The following DNAJC10 variants were observed in gnomAD, a reference collection of about 807,000 sequenced individuals.
DNAJC10 encodes DnaJ heat shock protein family (Hsp40) member C10.
Under a neutral mutation model 115.0 loss-of-function variants are expected in DNAJC10, and 101 were observed. The ratio of observed to expected loss-of-function variants is 0.88; its 90% CI spans 0.75 to 1.04. The LOEUF (loss-of-function observed/expected upper bound fraction) is 1.04, where lower values mean the gene tolerates loss of function less well. Among genes scored for constraint, DNAJC10 ranks in the 50% least tolerant of loss-of-function variants. The pLI is 0.00. For synonymous variants in DNAJC10, 307 were observed against 301.5 expected, an observed-to-expected ratio of 1.02 and a Z score of -0.19; for missense variants, 981 against 928.8, an observed-to-expected ratio of 1.06 and a Z score of -0.73.
At position 182,793,842 on chromosome 2, in the gene DNAJC10, A is replaced by ACACACG. The variant is rs1553498401; in HGVS notation, c.*16715_*16716insGCACAC. 7 of 151,254 alleles carry ACACACG rather than the reference A, an allele frequency of 4.6e-5. No individual in the cohort carries two copies. In the Middle Eastern group the frequency reaches 0.014, roughly 292 times the overall value. The allele number at this position is 151,254 out of a possible 1,614,324, so 9.4% of individuals were successfully genotyped here. A position where few individuals can be genotyped will look rare whatever the true frequency, so the allele number is the denominator to read the frequency against. ...ACATCACACACACACACACACACAC[A>ACACACG]CACACACACACACACACACACACTA... On this transcript the variant is annotated 3_prime_UTR_variant, in exon 24 of 24. Coordinates refer to ENST00000264065, the MANE Select transcript of DNAJC10 (RefSeq NM_018981.4).
Position 182,741,252 on chromosome 2 carries a change from G to A in DNAJC10, c.1087G>A (p.Ala363Thr), listed in dbSNP as rs761578466. The A allele has an allele frequency of 6.3e-7, 1 of 1,598,990 alleles. No homozygotes were observed. The highest frequency in any genetic ancestry group is 1.4e-5 in the African/African-American group (1 of 73,886). Reference sequence around the variant, plus strand: ...CTTTATCACTTTTAAGGATCGTTTGGCTCATCATCGGTGGCTGTTATTTTT... The same window carrying A: ...CTTTATCACTTTTAAGGATCGTTTGACTCATCATCGGTGGCTGTTATTTTT... ...LSANTLEDRLAHHRWLLFFHF... is the reference protein window; with the variant it reads ...LSANTLEDRLTHHRWLLFFHF... Residue 363 changes from alanine to threonine, a missense_variant, in exon 13 of 24, where the codon GCT becomes ACT. Physicochemically the swap from Ala to Thr is moderately conservative, Grantham distance 58. Transcript: ENST00000264065.
intron 18 of DNAJC10, 143 bp from the exon 19 acceptor site, chr2:182,757,549 T>C (rs1694188080): frequency 1.9e-6 from 1 of 536,700 alleles, no homozygotes; most frequent in African/African-American, 2.0e-5. Flanking sequence ...GTCTATTATA[T>C]GTTAAACCCT....
chr2:182,770,896 G>A (rs1694543831), intron 22 of DNAJC10, among the ~76,000 whole-genome samples: 1 of 152,186 alleles, frequency 6.6e-6, no homozygotes. Context: ...GGTTTTCAAA[G>A]GGAATGCTTC....
chr2:182,719,370 C>A (rs13010773), intron 3 of DNAJC10, among the ~76,000 whole-genome samples: 3 of 150,240 alleles, frequency 2.0e-5, no homozygotes, highest in Admixed American at 6.7e-5. Context: ...TCCCCTGCCT[C>A]ACCCTCCTGA....
intron 14 of DNAJC10, among the ~76,000 whole-genome samples, chr2:182,748,019 T>G (rs1220293080): frequency 5.4e-5 from 8 of 147,896 alleles, no homozygotes; most frequent in African/African-American, 2.0e-4. Flanking sequence ...TCTGTTTATA[T>G]GCTGGATTAC....
Position 182,718,025 on chromosome 2 carries a change from T to C in DNAJC10, c.-62T>C. On this transcript the variant is annotated 5_prime_UTR_variant, in exon 3 of 24. Coordinates refer to ENST00000264065, the MANE Select transcript of DNAJC10 (RefSeq NM_018981.4). ...GAAGTTCTCAAATTTGCATATTACA[T>C]CAACTGGAACCAGCAGTGAATCTTA... The C allele has an allele frequency of 7.7e-7, 1 of 1,302,730 alleles. No individual in the cohort carries two copies. The highest frequency in any genetic ancestry group is 1.1e-6 in the Non-Finnish European group (1 of 941,002). 80.7% of individuals were successfully genotyped at this position (1,302,730 alleles called of 1,614,324 possible).
chr2:182,751,527 C>CT, intron 14 of DNAJC10, 131 bp from the exon 15 acceptor site: 1 of 1,085,944 alleles, frequency 9.2e-7, no homozygotes, highest in Non-Finnish European at 1.3e-6. Context: ...ATACAGCACA[C>CT]TAAAACCTCA....
intron 14 of DNAJC10, among the ~76,000 whole-genome samples, chr2:182,746,052 AC>A (rs1350961997): frequency 1.3e-5 from 2 of 152,120 alleles, no homozygotes; most frequent in Non-Finnish European, 2.9e-5. Flanking sequence ...CCATGTCCCT[AC>A]AAAGGACATG....
At chr2:182,767,163 G>A (rs571089279) in intron 22 of DNAJC10, among the ~76,000 whole-genome samples, 2 of 152,226 alleles carry the variant, frequency 1.3e-5, no homozygotes, top group East Asian at 3.9e-4. Flanking sequence ...TGGAGATAAT[G>A]GGCGATCTGG....
intron 4 of DNAJC10, among the ~76,000 whole-genome samples, chr2:182,721,616 A>G (rs1693151469): frequency 6.6e-6 from 1 of 152,112 alleles, no homozygotes; most frequent in African/African-American, 2.4e-5. Flanking sequence ...ACCACTCTCA[A>G]TTTCCTGGTT....
intron 15 of DNAJC10, 121 bp downstream of exon 15, chr2:182,751,906 A>G: frequency 7.6e-7 from 1 of 1,310,378 alleles, no homozygotes; most frequent in East Asian, 2.3e-5. Flanking sequence ...CATTATGGCC[A>G]CTAATGCATA....
chr2:182,728,497 C>T (rs1184211651), intron 5 of DNAJC10, 79 bp from the exon 6 acceptor site: 17 of 980,158 alleles, frequency 1.7e-5, no homozygotes, highest in Non-Finnish European at 2.3e-5. Context: ...ATTCTGATCT[C>T]CACAAAAAGT....
rs1368272830 is a variant in DNAJC10, at chr2:182,783,064, T to C, written c.*5932T>C. The C allele has an allele frequency of 6.6e-6, 1 of 152,192 alleles. No individual in the cohort carries two copies. Among genetic ancestry groups the C allele is most frequent in the Non-Finnish European group, 1.5e-5 (1 of 68,034 alleles). The allele number at this position is 152,192 out of a possible 1,614,324, so 9.4% of individuals were successfully genotyped here. A position where few individuals can be genotyped will look rare whatever the true frequency, so the allele number is the denominator to read the frequency against. Reference sequence around the variant, plus strand: ...GTTTTGTCATAAATAGCTCTTATTATTTTGAGATATGTTCCATCATATCTA... The same window carrying C: ...GTTTTGTCATAAATAGCTCTTATTACTTTGAGATATGTTCCATCATATCTA... On this transcript the variant is annotated 3_prime_UTR_variant, in exon 24 of 24. Coordinates refer to ENST00000264065, the MANE Select transcript of DNAJC10 (RefSeq NM_018981.4).
chr2:182,739,555 G>T, intron 11 of DNAJC10: 1 of 1,220,478 alleles, frequency 8.2e-7, no homozygotes, highest in Non-Finnish European at 1.1e-6. Flanking sequence ...CTGCTTCATT[G>T]AGAGAATCAG....
intron 11 of DNAJC10, chr2:182,739,619 C>T: frequency 8.8e-7 from 1 of 1,138,288 alleles, no homozygotes; most frequent in Non-Finnish European, 1.1e-6. Flanking sequence ...AAAATATTGA[C>T]AAATAAAGAA....
In DNAJC10 at chr2:182,786,965, A is replaced by G. The variant is rs974739193; in HGVS notation, c.*9833A>G. 1.3e-5 allele frequency: 2 copies of G among 152,218 alleles called. No individual in the cohort carries two copies. Among genetic ancestry groups the G allele is most frequent in the African/African-American group, 2.4e-5 (1 of 41,436 alleles). The allele number at this position is 152,218 out of a possible 1,614,324, so 9.4% of individuals were successfully genotyped here. ...CAGTATCTTGCTCGTCCCTTCTGCC[A>G]TGGGAGAACACGGTGAGAGCGAGCC... On this transcript the variant is annotated 3_prime_UTR_variant, in exon 24 of 24. Coordinates refer to ENST00000264065, the MANE Select transcript of DNAJC10 (RefSeq NM_018981.4).
rs887851459 is a variant in DNAJC10, at chr2:182,784,528, G to A, written c.*7396G>A. On this transcript the variant is annotated 3_prime_UTR_variant, in exon 24 of 24. Transcript: ENST00000264065. ...TATTTCAATTGACAAACAGCCAGAA[G>A]TATTATACTGTTGACTGTGTTTAAA... 6.6e-6 allele frequency: 1 copy of A among 152,094 alleles called. No individual in the cohort carries two copies. Among genetic ancestry groups the A allele is most frequent in the African/African-American group, 2.4e-5 (1 of 41,414 alleles). 9.4% of individuals were successfully genotyped at this position (152,094 alleles called of 1,614,324 possible). A position where few individuals can be genotyped will look rare whatever the true frequency, so the allele number is the denominator to read the frequency against.
intron 22 of DNAJC10, among the ~76,000 whole-genome samples, chr2:182,771,056 G>A (rs1325316427): frequency 3.3e-5 from 5 of 152,140 alleles, no homozygotes; most frequent in Non-Finnish European, 7.3e-5. Flanking sequence ...TGCATCTATT[G>A]AGATAATCAT....
At chr2:182,752,591 G>A in intron 16 of DNAJC10, 1 of 941,160 alleles carries the variant, frequency 1.1e-6, no homozygotes, top group Non-Finnish European at 1.3e-6. Context: ...CAAGCCTTTT[G>A]AAATCTTTGT....
Sources: allele counts gnomAD v4.1 joint callset (sites outside exome capture counted in the v4.1 genomes callset), GRCh38; gene constraint gnomAD v4.1.1; transcripts MANE v1.5; gene names NCBI Gene and HGNC (gene_info 2026-07-23, HGNC 2026-07-21).